Variants in FZR1 observed in about 807,000 individuals in gnomAD.
The protein encoded by FZR1 is fizzy-related protein homolog.
A neutral mutation model predicts 63.6 loss-of-function variants in FZR1; 11 were observed. The observed-to-expected ratio is 0.17, with a 90% confidence interval of 0.11 to 0.29. The LOEUF is 0.29. Ranked by LOEUF, FZR1 falls within the 10% of genes least tolerant of loss-of-function variation. The probability of loss-of-function intolerance (pLI) is 1.00; values close to 1 mark genes in which losing one functional copy is unlikely to be tolerated. For missense variants in FZR1, 440 were observed against 687.5 expected (o/e 0.64, Z 4.03); for synonymous variants, 328 against 297.9 (o/e 1.10, Z -1.04).
chr19:3,510,387 G>C (rs189400466), intron 1 of FZR1, among the ~76,000 whole-genome samples: 17 of 152,304 alleles, frequency 1.1e-4, no homozygotes, highest in African/African-American at 3.9e-4. Context: ...CTCCTGCCCT[G>C]GCCTCCCAAA....
chr19:3,532,213 C>G, intron 10 of FZR1, 118 bp downstream of exon 10: 1 of 1,018,894 alleles, frequency 9.8e-7, no homozygotes, highest in Non-Finnish European at 1.4e-6. Flanking sequence ...CCACAGCCAT[C>G]AGCAGGGCAC....
In FZR1 at chr19:3,533,532, G is replaced by A. The variant is rs1275746416; in HGVS notation, c.1347+134G>A. 2 of 622,492 alleles carry A rather than the reference G, an allele frequency of 3.2e-6. No homozygotes were observed. Among genetic ancestry groups the A allele is most frequent in the Admixed American group, 2.5e-5 (1 of 40,778 alleles). 38.6% of individuals were successfully genotyped at this position (622,492 alleles called of 1,614,324 possible). A position where few individuals can be genotyped will look rare whatever the true frequency, so the allele number is the denominator to read the frequency against. On this transcript the variant is annotated intron_variant, in intron 12 of 13. Coordinates refer to ENST00000441788, the MANE Select transcript of FZR1 (RefSeq NM_016263.4). The surrounding 1 kb of genome is among the most constrained non-coding windows in gnomAD (Gnocchi z 4.9). ...AAAACCCCGTGGGACCCAGCAGCAGGGGCCGGCAGGGCATCTGGTGCTGGT... is the reference window on the plus strand; with the variant it reads ...AAAACCCCGTGGGACCCAGCAGCAGAGGCCGGCAGGGCATCTGGTGCTGGT...
Position 3,532,404 on chromosome 19 carries a change from C to G in FZR1, c.1009-13C>G, listed in dbSNP as rs886648328. ...GCTGGGACAGCCCCGGCCTCACAGCCCCTGTCCCCCAGCTGCTGGTCTGGA... is the reference window on the plus strand; with the variant it reads ...GCTGGGACAGCCCCGGCCTCACAGCGCCTGTCCCCCAGCTGCTGGTCTGGA... On this transcript the variant is annotated splice_polypyrimidine_tract_variant and intron_variant, in intron 10 of 13. Coordinates refer to ENST00000441788, the MANE Select transcript of FZR1 (RefSeq NM_016263.4). 6.3e-7 allele frequency: 1 copy of G among 1,581,170 alleles called. No individual in the cohort carries two copies. Among genetic ancestry groups the G allele is most frequent in the Middle Eastern group, 1.7e-4 (1 of 5,804 alleles).
Position 3,525,827 on chromosome 19 carries a change from C to T in FZR1, c.70-41C>T, listed in dbSNP as rs764140313. Reference sequence around the variant, plus strand: ...CTGGCCTGGGGGCACTCTCGGGGGGCTCTCGGTGCTGAGAGCAAGCCCTCT... The same window carrying T: ...CTGGCCTGGGGGCACTCTCGGGGGGTTCTCGGTGCTGAGAGCAAGCCCTCT... On this transcript the variant is annotated intron_variant, in intron 2 of 13. Coordinates refer to ENST00000441788, the MANE Select transcript of FZR1 (RefSeq NM_016263.4). The surrounding 1 kb of genome is among the most constrained non-coding windows in gnomAD (Gnocchi z 4.2). 1 of 1,598,236 alleles carries T rather than the reference C, an allele frequency of 6.3e-7. No individual in the cohort carries two copies.
rs750032115 is a variant in FZR1 at position 3,533,383 on chromosome 19, C to T, written c.1332C>T (p.Tyr444=). ...TGGCCAAGCTGACCGGGCACTCCTA[C>T]CGCGTGCTGTACCTGGTGAGTTCAC... The part of the protein sequence containing the change: ...TQVAKLTGHS[Y]RVLYLAMSPD... Residue 444 remains tyrosine, a synonymous_variant, in exon 12 of 14, where the codon TAC becomes TAT. Coordinates refer to ENST00000441788, the MANE Select transcript of FZR1 (RefSeq NM_016263.4). The surrounding 1 kb of genome is among the most constrained non-coding windows in gnomAD (Gnocchi z 4.9). 1 of 1,608,286 alleles carries T rather than the reference C, an allele frequency of 6.2e-7. No homozygotes were observed. Among genetic ancestry groups the T allele is most frequent in the East Asian group, 2.2e-5 (1 of 44,860 alleles).
intron 1 of FZR1, among the ~76,000 whole-genome samples, chr19:3,506,693 T>TC (rs943405821): frequency 1.3e-5 from 2 of 148,296 alleles, no homozygotes; most frequent in African/African-American, 2.5e-5. Flanking sequence ...AATCCCAGCG[T>TC]CCCCCCCACG....
chr19:3,510,668 G>A (rs566482447), intron 1 of FZR1, among the ~76,000 whole-genome samples: 5 of 152,314 alleles, frequency 3.3e-5, no homozygotes, highest in African/African-American at 1.2e-4. Flanking sequence ...AGGAGTGTGG[G>A]AGGCCAGTGC....
At position 3,536,109 on chromosome 19, in the gene FZR1, C is replaced by CACTCCCCACATCCCA. The variant is rs1346526141; in HGVS notation, c.*1276_*1290dup. On this transcript the variant is annotated 3_prime_UTR_variant, in exon 14 of 14. Transcript: ENST00000441788. Reference sequence around the variant, plus strand: ...GCTGTGCTTGGGAACCCCCACTCCCCACTCCCCACATCCCAACATCCTGGT... The same window carrying CACTCCCCACATCCCA: ...GCTGTGCTTGGGAACCCCCACTCCCCACTCCCCACATCCCAACTCCCCACATCCCAACATCCTGGT... The CACTCCCCACATCCCA allele has an allele frequency of 1.3e-5, 2 of 152,260 alleles. No individual in the cohort carries two copies. The highest frequency in any genetic ancestry group is 2.4e-5 in the African/African-American group (1 of 41,450). 9.4% of individuals were successfully genotyped at this position (152,260 alleles called of 1,614,324 possible).
In FZR1 at chr19:3,525,496, G is replaced by A. The variant is rs1374313617; in HGVS notation, c.70-372G>A. 7.5e-6 allele frequency among the ~76,000 whole-genome samples: 1 copy of A among 132,662 alleles called. No homozygotes were observed. The highest frequency in any genetic ancestry group is 1.5e-5 in the Non-Finnish European group (1 of 64,894). The allele number at this position is 132,662 out of a possible 152,430, so 87.0% of individuals were successfully genotyped here. A position where few individuals can be genotyped will look rare whatever the true frequency, so the allele number is the denominator to read the frequency against. The stretch of plus-strand genomic sequence containing the variant: ...CTCGCTCTGTCGCCCAGGCTGGAGT[G>A]CAGTGGCACAATCTTGGCTCACTGC... On this transcript the variant is annotated intron_variant, in intron 2 of 13. Transcript: ENST00000441788. The surrounding 1 kb of genome is among the most constrained non-coding windows in gnomAD (Gnocchi z 4.2).
In FZR1 at chr19:3,533,275, C is replaced by G; in HGVS notation, c.1243-19C>G. 5 of 1,502,860 alleles carry G rather than the reference C, an allele frequency of 3.3e-6. No homozygotes were observed. Among genetic ancestry groups the G allele is most frequent in the Non-Finnish European group, 4.6e-6 (5 of 1,080,408 alleles). 93.1% of individuals were successfully genotyped at this position (1,502,860 alleles called of 1,614,324 possible). ...CCTCGTTGCCCCTCACCGACCGCAG[C>G]GCCCCCTCCGCCCTCCAGGTGAGCA... is the stretch of plus-strand genomic sequence containing the variant. On this transcript the variant is annotated intron_variant, in intron 11 of 13. Transcript: ENST00000441788. The surrounding 1 kb of genome is among the most constrained non-coding windows in gnomAD (Gnocchi z 4.9).
At chr19:3,517,298 G>C (rs111719708) in intron 1 of FZR1, among the ~76,000 whole-genome samples, 1 of 152,196 alleles carries the variant, frequency 6.6e-6, no homozygotes, top group African/African-American at 2.4e-5. Context: ...GCTGAGGCAG[G>C]AGGATCACTT....
intron 13 of FZR1, 123 bp downstream of exon 13, chr19:3,534,636 T>A: frequency 1.1e-6 from 1 of 904,952 alleles, no homozygotes; most frequent in Non-Finnish European, 1.8e-6. Flanking sequence ...TTCCCTCACC[T>A]CAAATTCTGG....
rs1433097249 is a variant in FZR1 at position 3,535,957 on chromosome 19, A to G, written c.*1121A>G. ...CTGCACAGCAGGCAGGGAGGGAGGC[A>G]AGGCAGGGGAGTGGGGCCTGAGCTG... is the stretch of plus-strand genomic sequence containing the variant. On this transcript the variant is annotated 3_prime_UTR_variant, in exon 14 of 14. Transcript: ENST00000441788. 4 of 152,284 alleles carry G rather than the reference A, an allele frequency of 2.6e-5. No homozygotes were observed. Among genetic ancestry groups the G allele is most frequent in the African/African-American group, 9.7e-5 (4 of 41,420 alleles). 9.4% of individuals were successfully genotyped at this position (152,284 alleles called of 1,614,324 possible).
At position 3,531,766 on chromosome 19, in the gene FZR1, C is replaced by T; in HGVS notation, c.773C>T (p.Ala258Val). The T allele has an allele frequency of 1.3e-6, 2 of 1,550,222 alleles. No individual in the cohort carries two copies. Among genetic ancestry groups the T allele is most frequent in the Non-Finnish European group, 1.7e-6 (2 of 1,146,702 alleles). ...THKGFVQIWDAAAGKKLSMLE... is the reference protein window; with the variant it reads ...THKGFVQIWDVAAGKKLSMLE... ...AAGGGCTTCGTGCAGATCTGGGACG[C>T]AGCCGCAGGGAAGAAGCTGTCCATG... Residue 258 changes from alanine (A) to valine (V), a missense_variant, in exon 9 of 14, where the codon GCA (alanine) becomes GTA (valine). Physicochemically the swap from Ala to Val is moderately conservative, Grantham distance 64. Coordinates refer to ENST00000441788, the MANE Select transcript of FZR1 (RefSeq NM_016263.4).
rs943685907 is a variant in FZR1 at position 3,515,384 on chromosome 19, G to A, written c.-34-7572G>A. On this transcript the variant is annotated intron_variant, in intron 1 of 13. Coordinates refer to ENST00000441788, the MANE Select transcript of FZR1 (RefSeq NM_016263.4). This position sits in a 1 kb window ranked among gnomAD's most constrained non-coding sequence, Gnocchi z 4.6. ...GCATCCAGCAAAGGAGGGAGAATGC[G>A]GTGGTGCCCGGTCTCATCCGGAGCC... 3.3e-5 allele frequency among the ~76,000 whole-genome samples: 5 copies of A among 152,180 alleles called. No individual in the cohort carries two copies. Among genetic ancestry groups the A allele is most frequent in the Admixed American group, 6.5e-5 (1 of 15,280 alleles).
chr19:3,509,998 A>T (rs2083013546), intron 1 of FZR1, among the ~76,000 whole-genome samples: 1 of 151,806 alleles, frequency 6.6e-6, no homozygotes, highest in Non-Finnish European at 1.5e-5. Flanking sequence ...ATCGTGTCTG[A>T]TGGTGTCAAC....
rs2083139144 is a variant in FZR1, at chr19:3,525,057, G to C, written c.70-811G>C. ...GGGGACAGTCAGATGGGGTTGGAGG[G>C]TTAGACGGGTGTTGTGGGCAGCAGG... On this transcript the variant is annotated intron_variant, in intron 2 of 13. Transcript: ENST00000441788. This position sits in a 1 kb window ranked among gnomAD's most constrained non-coding sequence, Gnocchi z 4.2. Among the ~76,000 whole-genome samples, 1 of 152,126 alleles carries C rather than the reference G, an allele frequency of 6.6e-6. No individual in the cohort carries two copies. Among genetic ancestry groups the C allele is most frequent in the Admixed American group, 6.5e-5 (1 of 15,268 alleles).
rs138443917 is a variant in FZR1 at position 3,534,922 on chromosome 19, C to T, written c.*86C>T. On this transcript the variant is annotated 3_prime_UTR_variant, in exon 14 of 14. Transcript: ENST00000441788. Reference sequence around the variant, plus strand: ...GCTTGCATGGACTCTGCCTTCCCAGCGCTTGTCCCCCGAGGAAGGCGGCTG... The same window carrying T: ...GCTTGCATGGACTCTGCCTTCCCAGTGCTTGTCCCCCGAGGAAGGCGGCTG... 2.4e-5 allele frequency: 27 copies of T among 1,123,302 alleles called. No homozygotes were observed. Among genetic ancestry groups the T allele is most frequent in the South Asian group, 6.2e-5 (5 of 81,098 alleles). The allele number at this position is 1,123,302 out of a possible 1,614,324, so 69.6% of individuals were successfully genotyped here. A position where few individuals can be genotyped will look rare whatever the true frequency, so the allele number is the denominator to read the frequency against.
In FZR1 at chr19:3,535,117, C is replaced by T. The variant is rs538840994; in HGVS notation, c.*281C>T. ...CACATTGGACGGTCCCGGCTCAGAC[C>T]GTCTGTACTCAGAGCGACGGATGCC... On this transcript the variant is annotated 3_prime_UTR_variant, in exon 14 of 14. Transcript: ENST00000441788. The T allele has an allele frequency of 2.9e-5, 15 of 509,342 alleles. No individual in the cohort carries two copies. The highest frequency in any genetic ancestry group is 1.9e-4 in the East Asian group (5 of 26,890). 31.6% of individuals were successfully genotyped at this position (509,342 alleles called of 1,614,324 possible). A position where few individuals can be genotyped will look rare whatever the true frequency, so the allele number is the denominator to read the frequency against.
Sources: gnomAD v4.1 joint callset for allele counts (sites outside exome capture counted in the v4.1 genomes callset) on GRCh38, gnomAD v4.1.1 for gene constraint, Gnocchi (gnomAD v3.1) non-coding constraint, MANE v1.5 for transcripts, NCBI Gene and HGNC (gene_info 2026-07-23, HGNC 2026-07-21) for gene names.